CLNK: variants seen among roughly 807,000 people sequenced by gnomAD.
CLNK encodes cytokine-dependent hematopoietic cell linker.
CLNK carries 74 observed loss-of-function variants against 68.6 expected under a neutral mutation model. The ratio of observed to expected loss-of-function variants is 1.08; its 90% CI spans 0.89 to 1.31. The LOEUF is 1.31. Ranked by LOEUF, CLNK falls within the 50% of genes most tolerant of loss-of-function variation. The probability of loss-of-function intolerance (pLI) is 0.00; values close to 1 mark genes in which losing one functional copy is unlikely to be tolerated. For synonymous variants in CLNK, 198 were observed against 172.2 expected, an observed-to-expected ratio of 1.15 and a Z score of -1.17; for missense variants, 553 against 515.3, an observed-to-expected ratio of 1.07 and a Z score of -0.71.
At chr4:10,510,015 T>C (rs1287972512) in intron 16 of CLNK, among the ~76,000 whole-genome samples, 1 of 152,206 alleles carries the variant, frequency 6.6e-6, no homozygotes, top group Non-Finnish European at 1.5e-5. Flanking sequence ...GTCTACTGCT[T>C]CCAGGGGACC....
At chr4:10,582,270 T>C (rs566349445) in intron 4 of CLNK, among the ~76,000 whole-genome samples, 2 of 152,304 alleles carry the variant, frequency 1.3e-5, no homozygotes, top group African/African-American at 4.8e-5. Context: ...GCAGGAGGCA[T>C]TGGATGCTCA....
Position 10,490,588 on chromosome 4 carries a change from A to T in CLNK, c.1166T>A (p.Ile389Asn). ...AATGGGAAAATTCTTGTAGTGTTCG[A>T]TGATGTCTTCTACTGAATCAAACTT... ...DEKFDSVEDI[I>N]EHYKNFPIIL... Residue 389 changes from isoleucine (I) to asparagine (N), a missense_variant, in exon 19 of 19, where the codon ATC becomes AAC. Coordinates refer to ENST00000226951, the MANE Select transcript of CLNK (RefSeq NM_052964.4). 2 of 1,578,668 alleles carry T rather than the reference A, an allele frequency of 1.3e-6. No homozygotes were observed. Among genetic ancestry groups the T allele is most frequent in the Non-Finnish European group, 1.7e-6 (2 of 1,161,050 alleles).
intron 15 of CLNK, among the ~76,000 whole-genome samples, chr4:10,520,545 G>T (rs1448358040): frequency 4.6e-5 from 7 of 152,154 alleles, no homozygotes. Flanking sequence ...TTATACATGG[G>T]ACAACATCTA....
chr4:10,490,658 G>GT, intron 18 of CLNK, 45 bp from the exon 19 acceptor site: 1 of 1,495,168 alleles, frequency 6.7e-7, no homozygotes, highest in African/African-American at 1.4e-5. Flanking sequence ...AATATCTTTT[G>GT]TGTCTGTAGG....
At chr4:10,653,600 T>C (rs1723842162) in intron 2 of CLNK, among the ~76,000 whole-genome samples, 1 of 152,116 alleles carries the variant, frequency 6.6e-6, no homozygotes, top group Non-Finnish European at 1.5e-5. Flanking sequence ...TAGAACAGGA[T>C]GGCTAAAATT....
the CLNK span, among the ~76,000 whole-genome samples, chr4:10,729,366 A>G: frequency 6.6e-6 from 1 of 152,358 alleles, no homozygotes; most frequent in Admixed American, 6.5e-5. Context: ...AGATTTCTCA[A>G]ACAACTGAAA....
Position 10,523,245 on chromosome 4 carries a change from G to A in CLNK, c.732-2414C>T, listed in dbSNP as rs942538158. Reference sequence around the variant, plus strand: ...GAAAAGCTTTGCAGAGGATATTATGGGTTTCAGAATGGGACTAGAAATGAA... The same window carrying A: ...GAAAAGCTTTGCAGAGGATATTATGAGTTTCAGAATGGGACTAGAAATGAA... On this transcript the variant is annotated intron_variant, in intron 14 of 18. Transcript: ENST00000226951. 4.6e-5 allele frequency among the ~76,000 whole-genome samples: 7 copies of A among 152,300 alleles called. No individual in the cohort carries two copies. In the East Asian group the frequency reaches 1.4e-3, roughly 29 times the overall value.
chr4:10,664,073 C>T (rs1367408212), intron 2 of CLNK, among the ~76,000 whole-genome samples: 3 of 151,936 alleles, frequency 2.0e-5, no homozygotes, highest in Non-Finnish European at 2.9e-5. Flanking sequence ...TATAGCCACC[C>T]GAGAAGACTA....
the CLNK span, among the ~76,000 whole-genome samples, chr4:10,729,773 A>C: frequency 6.6e-6 from 1 of 152,354 alleles, no homozygotes; most frequent in African/African-American, 2.4e-5. Flanking sequence ...GAAACATATA[A>C]TTTATGTATA....
intron 7 of CLNK, among the ~76,000 whole-genome samples, chr4:10,560,903 CT>C (rs1362168984): frequency 6.6e-6 from 1 of 151,242 alleles, no homozygotes; most frequent in African/African-American, 2.4e-5. Context: ...TCCCCCACCT[CT>C]TTTTTTTTCT....
intron 1 of CLNK, among the ~76,000 whole-genome samples, chr4:10,678,426 G>A (rs1724956506): frequency 1.3e-5 from 2 of 152,076 alleles, no homozygotes; most frequent in South Asian, 4.2e-4. Flanking sequence ...TTGAAATTTG[G>A]CTAGGAAGGT....
In CLNK at chr4:10,556,275, A is replaced by G. The variant is rs147923611; in HGVS notation, c.445+2132T>C. On this transcript the variant is annotated intron_variant, in intron 8 of 18. Coordinates refer to ENST00000226951, the MANE Select transcript of CLNK (RefSeq NM_052964.4). ...GAAGCTTGATTCCCTTTTTGCTTAG[A>G]CTACCAGGTAGCTCAGAGGCAAAAT... Among the ~76,000 whole-genome samples, 515 of 152,312 alleles carry G rather than the reference A, an allele frequency of 3.4e-3. 4 individuals carry two copies. Among genetic ancestry groups the G allele is most frequent in the African/African-American group, 0.012 (498 of 41,564 alleles).
chr4:10,687,864 C>A (rs1455122350), upstream of CLNK, among the ~76,000 whole-genome samples: 1 of 152,102 alleles, frequency 6.6e-6, no homozygotes, highest in East Asian at 1.9e-4. Flanking sequence ...TGCCTCTTAT[C>A]CCCCATATCC....
the CLNK span, among the ~76,000 whole-genome samples, chr4:10,699,217 C>CCCGTATGTGTGTGTAT: frequency 9.1e-6 from 1 of 110,476 alleles, no homozygotes; most frequent in Non-Finnish European, 1.9e-5. Context: ...ACATACACAC[C>CCCGTATGTGTGTGTAT]ACATATGTGT....
At chr4:10,502,780 A>G (rs770998840) in intron 17 of CLNK, among the ~76,000 whole-genome samples, 1 of 151,992 alleles carries the variant, frequency 6.6e-6, no homozygotes, top group Non-Finnish European at 1.5e-5. Flanking sequence ...ATTGTAGCCT[A>G]TGTTGAGGTG....
At chr4:10,605,933 G>T (rs1313630518) in intron 2 of CLNK, among the ~76,000 whole-genome samples, 1 of 152,060 alleles carries the variant, frequency 6.6e-6, no homozygotes, top group Non-Finnish European at 1.5e-5. Context: ...TTTGCTCTGG[G>T]TGAGTCAGTG....
At chr4:10,698,520 A>G in the CLNK span, among the ~76,000 whole-genome samples, 5 of 152,202 alleles carry the variant, frequency 3.3e-5, no homozygotes, top group Non-Finnish European at 2.9e-5. Context: ...TGTGAAGCTA[A>G]TTTTGTTCTT....
intron 7 of CLNK, among the ~76,000 whole-genome samples, chr4:10,560,508 A>G (rs769251102): frequency 2.0e-5 from 3 of 152,072 alleles, no homozygotes; most frequent in Admixed American, 1.3e-4. Flanking sequence ...CAGTGGCATG[A>G]TTTCAGCTCA....
At chr4:10,541,650 G>T (rs1453514096) in intron 10 of CLNK, among the ~76,000 whole-genome samples, 3 of 151,858 alleles carry the variant, frequency 2.0e-5, no homozygotes, top group African/African-American at 4.8e-5. Flanking sequence ...TTCCCTGAGG[G>T]CATATCCCAT....
Sources: allele counts gnomAD v4.1 joint callset (sites outside exome capture counted in the v4.1 genomes callset), GRCh38; gene constraint gnomAD v4.1.1; transcripts MANE v1.5; gene names NCBI Gene and HGNC (gene_info 2026-07-23, HGNC 2026-07-21).